Variants in PIK3CG observed in about 807,000 individuals in gnomAD.
PIK3CG encodes the protein phosphatidylinositol 4,5-bisphosphate 3-kinase catalytic subunit gamma isoform.
PIK3CG carries 55 observed loss-of-function variants against 102.3 expected under a neutral mutation model. That is an observed-to-expected ratio of 0.54 (90% confidence interval 0.43 to 0.67). PIK3CG has a LOEUF of 0.67. Ranked by LOEUF, PIK3CG falls within the 30% of genes least tolerant of loss-of-function variation. The pLI is 0.00. For synonymous variants in PIK3CG, 552 were observed against 540.0 expected (o/e 1.02, Z -0.31); for missense variants, 1,258 against 1,391.8 (o/e 0.90, Z 1.53).
Position 106,868,913 on chromosome 7 carries a change from G to T in PIK3CG, c.1352G>T (p.Ser451Ile). ...LSSKASAESP[S>I]SESKGKVQLL... The stretch of plus-strand genomic sequence containing the variant: ...AGCAAGGCCTCTGCAGAGTCCCCCA[G>T]TTCTGAGTCCAAGGGCAAAGTTCAG... The change falls in exon 2 of 11, where the codon AGT becomes ATT. Residue 451 changes from serine (S) to isoleucine (I), a missense_variant. Physicochemically the swap from Ser to Ile is moderately radical, Grantham distance 142. Transcript: ENST00000496166. The surrounding 1 kb of genome is among the most constrained non-coding windows in gnomAD (Gnocchi z 6.2). The T allele has an allele frequency of 6.2e-7, 1 of 1,614,190 alleles. No homozygotes were observed. Among genetic ancestry groups the T allele is most frequent in the African/African-American group, 1.3e-5 (1 of 75,056 alleles).
In PIK3CG at chr7:106,877,017, G is replaced by A. The variant is rs1214450363; in HGVS notation, c.2391+2214G>A. Among the ~76,000 whole-genome samples the A allele has an allele frequency of 6.6e-6, 1 of 151,940 alleles. No homozygotes were observed. The highest frequency in any genetic ancestry group is 1.9e-4 in the East Asian group (1 of 5,150). On this transcript the variant is annotated intron_variant, in intron 5 of 10. Coordinates refer to ENST00000496166, the MANE Select transcript of PIK3CG (RefSeq NM_001282426.2). The surrounding 1 kb of genome is among the most constrained non-coding windows in gnomAD (Gnocchi z 4.5). ...GTATGAGACCAGACTGGGCAACATG[G>A]CGAGACTCCATCTCTACAAAAAATA...
chr7:106,869,442 A>G lies in PIK3CG; in HGVS notation c.1881A>G (p.Thr627=). 6.2e-7 allele frequency: 1 copy of G among 1,614,230 alleles called. No homozygotes were observed. Among genetic ancestry groups the G allele is most frequent in the Non-Finnish European group, 8.5e-7 (1 of 1,180,026 alleles). Reference sequence around the variant, plus strand: ...AAAGTGCTTTGGATGTTGGGTTAACAATGCAGCTCCTGGACTGCAACTTCT... The same window carrying G: ...AAAGTGCTTTGGATGTTGGGTTAACGATGCAGCTCCTGGACTGCAACTTCT... ...WDQSALDVGL[T]MQLLDCNFSD... The change falls in exon 2 of 11, where the codon ACA becomes ACG. Residue 627 remains threonine, a synonymous_variant. Coordinates refer to ENST00000496166, the MANE Select transcript of PIK3CG (RefSeq NM_001282426.2). This position sits in a 1 kb window ranked among gnomAD's most constrained non-coding sequence, Gnocchi z 5.3.
In PIK3CG at chr7:106,874,871, C is replaced by A; in HGVS notation, c.2391+68C>A. 1 of 1,005,104 alleles carries A rather than the reference C, an allele frequency of 9.9e-7. No individual in the cohort carries two copies. The highest frequency in any genetic ancestry group is 1.5e-6 in the Non-Finnish European group (1 of 647,188). 62.3% of individuals were successfully genotyped at this position (1,005,104 alleles called of 1,614,324 possible). ...AAGATGTCTAACGTGCTTGCTGGGG[C>A]CCAGTACTTAAAAGCTAATGTTTAT... On this transcript the variant is annotated intron_variant, in intron 5 of 10. Transcript: ENST00000496166. The surrounding 1 kb of genome is among the most constrained non-coding windows in gnomAD (Gnocchi z 4.3).
chr7:106,888,097 T>C (rs1338569064), intron 10 of PIK3CG, among the ~76,000 whole-genome samples: 1 of 151,838 alleles, frequency 6.6e-6, no homozygotes, highest in African/African-American at 2.4e-5. Flanking sequence ...CGTGCCACCA[T>C]GCCTGGCTAA....
chr7:106,888,168 C>T (rs1791160986), intron 10 of PIK3CG, among the ~76,000 whole-genome samples: 2 of 151,750 alleles, frequency 1.3e-5, no homozygotes, highest in South Asian at 2.1e-4. Flanking sequence ...CTCTATCTCT[C>T]GACCTTGTGA....
rs759795346 is a variant in PIK3CG at position 106,867,782 on chromosome 7, T to TG, written c.222dup (p.Trp75ValfsTer87). The TG allele has an allele frequency of 6.2e-7, 1 of 1,612,810 alleles. No homozygotes were observed. Among genetic ancestry groups the TG allele is most frequent in the Non-Finnish European group, 8.5e-7 (1 of 1,179,914 alleles). ...AACGTGGAGCAGATGAAGGCCCAGG[T>TG]GTGGCTGCGAGCGCTGGAGACCAGC... On this transcript the variant is annotated frameshift_variant, in exon 2 of 11. Coordinates refer to ENST00000496166, the MANE Select transcript of PIK3CG (RefSeq NM_001282426.2). LOFTEE classifies it high-confidence loss of function. This position sits in a 1 kb window ranked among gnomAD's most constrained non-coding sequence, Gnocchi z 5.1.
Position 106,902,171 on chromosome 7 carries a change from C to T in PIK3CG, c.3031-2938C>T, listed in dbSNP as rs2116610054. ...CTGGGGACTCCACCCCAGAGAGATG[C>T]AGGTCAGCAGTGGCTCAGTGCAAGC... On this transcript the variant is annotated intron_variant, in intron 10 of 10. Coordinates refer to ENST00000496166, the MANE Select transcript of PIK3CG (RefSeq NM_001282426.2). This position sits in a 1 kb window ranked among gnomAD's most constrained non-coding sequence, Gnocchi z 4.3. Among the ~76,000 whole-genome samples the T allele has an allele frequency of 6.6e-6, 1 of 152,272 alleles. No homozygotes were observed. The highest frequency in any genetic ancestry group is 2.1e-4 in the South Asian group (1 of 4,826).
At chr7:106,901,940 C>A (rs1382056938) in intron 10 of PIK3CG, among the ~76,000 whole-genome samples, 1 of 152,166 alleles carries the variant, frequency 6.6e-6, no homozygotes, top group Non-Finnish European at 1.5e-5. Flanking sequence ...TGTTAACTCC[C>A]AGTTGCAGCC....
At chr7:106,878,928 A>G (rs1008752760) in intron 5 of PIK3CG, among the ~76,000 whole-genome samples, 1 of 152,006 alleles carries the variant, frequency 6.6e-6, no homozygotes, top group Non-Finnish European at 1.5e-5. Flanking sequence ...TGAAACACCT[A>G]CCTTTTTTAT....
At chr7:106,873,399 G>C (rs541365813) in intron 4 of PIK3CG, among the ~76,000 whole-genome samples, 2 of 151,864 alleles carry the variant, frequency 1.3e-5, no homozygotes, top group Non-Finnish European at 2.9e-5. Flanking sequence ...CCCTATCTGG[G>C]GTCCTACATC....
At chr7:106,875,910 T>TTG (rs1203449122) in intron 5 of PIK3CG, among the ~76,000 whole-genome samples, 62 of 54,450 alleles carry the variant, frequency 1.1e-3, no homozygotes, top group African/African-American at 3.6e-3. Context: ...TTTTTTTTTG[T>TTG]TTTTTTTTTT....
At position 106,868,040 on chromosome 7, in the gene PIK3CG, A is replaced by G. The variant is rs1790370111; in HGVS notation, c.479A>G (p.Tyr160Cys). ...FQRQLTALIG[Y>C]DVTDVSNVHD... ...CGGCAGCTCACGGCGCTGATTGGCT[A>G]TGACGTCACTGACGTCAGCAACGTG... Residue 160 changes from tyrosine to cysteine, a missense_variant, in exon 2 of 11, where the codon TAT becomes TGT. Tyr to Cys is a radical substitution (Grantham distance 194). Coordinates refer to ENST00000496166, the MANE Select transcript of PIK3CG (RefSeq NM_001282426.2). This position sits in a 1 kb window ranked among gnomAD's most constrained non-coding sequence, Gnocchi z 6.2. 1.2e-6 allele frequency: 2 copies of G among 1,612,486 alleles called. No homozygotes were observed. Among genetic ancestry groups the G allele is most frequent in the African/African-American group, 2.7e-5 (2 of 74,918 alleles).
At position 106,874,912 on chromosome 7, in the gene PIK3CG, C is replaced by T; in HGVS notation, c.2391+109C>T. On this transcript the variant is annotated intron_variant, in intron 5 of 10. Transcript: ENST00000496166. The surrounding 1 kb of genome is among the most constrained non-coding windows in gnomAD (Gnocchi z 4.3). ...TAATGTTTATGCAGAGACAGGGAAGCTGGAGAGTCTCTGGATGGGTTTCTC... is the reference window on the plus strand; with the variant it reads ...TAATGTTTATGCAGAGACAGGGAAGTTGGAGAGTCTCTGGATGGGTTTCTC... The T allele has an allele frequency of 1.5e-6, 1 of 664,392 alleles. No individual in the cohort carries two copies. Among genetic ancestry groups the T allele is most frequent in the Admixed American group, 2.8e-5 (1 of 35,652 alleles). 41.2% of individuals were successfully genotyped at this position (664,392 alleles called of 1,614,324 possible). A position where few individuals can be genotyped will look rare whatever the true frequency, so the allele number is the denominator to read the frequency against.
Position 106,874,806 on chromosome 7 carries a change from A to G in PIK3CG, c.2391+3A>G, listed in dbSNP as rs545677927. On this transcript the variant is annotated splice_donor_region_variant and intron_variant, in intron 5 of 10. Transcript: ENST00000496166. The surrounding 1 kb of genome is among the most constrained non-coding windows in gnomAD (Gnocchi z 4.3). ...GACTGAAAGCAGGAGCGCTGGCAGT[A>G]GGTATCACTTGGATGTCTCCATGTG... 2 of 1,596,238 alleles carry G rather than the reference A, an allele frequency of 1.3e-6. No individual in the cohort carries two copies. The highest frequency in any genetic ancestry group is 1.7e-5 in the Admixed American group (1 of 59,884).
At position 106,879,428 on chromosome 7, in the gene PIK3CG, T is replaced by G; in HGVS notation, c.2392-91T>G. ...CCAACTAGGACTTTGTCCTTGTTGT[T>G]TATAGTGATGTTTTGCAAGAGAATT... On this transcript the variant is annotated intron_variant, in intron 5 of 10. Coordinates refer to ENST00000496166, the MANE Select transcript of PIK3CG (RefSeq NM_001282426.2). The surrounding 1 kb of genome is among the most constrained non-coding windows in gnomAD (Gnocchi z 4.9). 9.8e-7 allele frequency: 1 copy of G among 1,022,822 alleles called. No homozygotes were observed. The highest frequency in any genetic ancestry group is 2.4e-5 in the East Asian group (1 of 42,186). 63.4% of individuals were successfully genotyped at this position (1,022,822 alleles called of 1,614,324 possible). A position where few individuals can be genotyped will look rare whatever the true frequency, so the allele number is the denominator to read the frequency against.
At position 106,907,838 on chromosome 7, in the gene PIK3CG, G is replaced by GTGTA. The variant is rs776614128; in HGVS notation, c.*2452_*2453insGTAT. ...TATATATATATATGTATGTGTGTGT[G>GTGTA]TATATATATATATATATATCACAGT... On this transcript the variant is annotated 3_prime_UTR_variant, in exon 11 of 11. Transcript: ENST00000496166. 4.9e-4 allele frequency among the ~76,000 whole-genome samples: 66 copies of GTGTA among 135,306 alleles called. No individual in the cohort carries two copies. Among genetic ancestry groups the GTGTA allele is most frequent in the Non-Finnish European group, 7.8e-4 (48 of 61,476 alleles). The allele number at this position is 135,306 out of a possible 152,430, so 88.8% of individuals were successfully genotyped here. A position where few individuals can be genotyped will look rare whatever the true frequency, so the allele number is the denominator to read the frequency against.
intron 5 of PIK3CG, among the ~76,000 whole-genome samples, chr7:106,878,995 A>G (rs1326925620): frequency 6.6e-6 from 1 of 152,156 alleles, no homozygotes; most frequent in African/African-American, 2.4e-5. Context: ...ATTTAGATGT[A>G]TGAGGTTTAG....
At chr7:106,871,923 A>G (rs1209882557) in intron 2 of PIK3CG, among the ~76,000 whole-genome samples, 1 of 152,234 alleles carries the variant, frequency 6.6e-6, no homozygotes, top group East Asian at 1.9e-4. Context: ...TTTTGGACAG[A>G]AAGCTCTGTA....
In PIK3CG at chr7:106,894,143, T is replaced by C. The variant is rs1285996233; in HGVS notation, c.3030+7851T>C. Reference sequence around the variant, plus strand: ...CTTCCCCAACCCATTGTGGATTGTTTCCTTTCCTTTTTTCAGCCAATTCTA... The same window carrying C: ...CTTCCCCAACCCATTGTGGATTGTTCCCTTTCCTTTTTTCAGCCAATTCTA... On this transcript the variant is annotated intron_variant, in intron 10 of 10. Coordinates refer to ENST00000496166, the MANE Select transcript of PIK3CG (RefSeq NM_001282426.2). This position sits in a 1 kb window ranked among gnomAD's most constrained non-coding sequence, Gnocchi z 4.4. Among the ~76,000 whole-genome samples the C allele has an allele frequency of 6.6e-6, 1 of 152,170 alleles. No individual in the cohort carries two copies. The highest frequency in any genetic ancestry group is 1.5e-5 in the Non-Finnish European group (1 of 68,016).
Sources: allele counts gnomAD v4.1 joint callset (sites outside exome capture counted in the v4.1 genomes callset), GRCh38; gene constraint gnomAD v4.1.1; non-coding constraint Gnocchi (gnomAD v3.1); transcripts MANE v1.5; gene names NCBI Gene and HGNC (gene_info 2026-07-23, HGNC 2026-07-21).